The following KMT2E variants were observed in gnomAD, a reference collection of about 807,000 sequenced individuals.
The protein encoded by KMT2E is histone reader KMT2E.
In KMT2E, 30 loss-of-function variants were observed where a neutral mutation model predicts 184.6. The observed-to-expected ratio is 0.16, with a 90% CI of 0.12 to 0.22. The LOEUF is 0.22. KMT2E is among the 10% of genes least tolerant of loss of function. The pLI is 1.00. For missense variants in KMT2E, 2,023 were observed against 2,237.4 expected (o/e 0.90, Z 1.93); for synonymous variants, 815 against 776.5 (o/e 1.05, Z -0.82).
chr7:105,094,400 C>A (rs1028552484), intron 15 of KMT2E, among the ~76,000 whole-genome samples: 2 of 152,116 alleles, frequency 1.3e-5, no homozygotes, highest in African/African-American at 2.4e-5. Flanking sequence ...TATGGAGATA[C>A]AGGTTGAGTA....
intron 6 of KMT2E, among the ~76,000 whole-genome samples, chr7:105,069,170 T>C (rs1165544556): frequency 1.3e-5 from 2 of 152,226 alleles, no homozygotes; most frequent in Non-Finnish European, 2.9e-5. Flanking sequence ...TCCTACTAGA[T>C]TGGTCACTGT....
At chr7:105,099,629 C>T (rs1259556736) in intron 15 of KMT2E, among the ~76,000 whole-genome samples, 1 of 152,052 alleles carries the variant, frequency 6.6e-6, no homozygotes, top group African/African-American at 2.4e-5. Flanking sequence ...TCATATTTAC[C>T]TTACAACACC....
Position 105,090,182 on chromosome 7 carries a change from T to C in KMT2E, c.1532T>C (p.Leu511Ser). 2 of 1,612,456 alleles carry C rather than the reference T, an allele frequency of 1.2e-6. No homozygotes were observed. The highest frequency in any genetic ancestry group is 1.7e-6 in the Non-Finnish European group (2 of 1,179,654). Residue 511 changes from leucine (L) to serine (S), a missense_variant, in exon 14 of 27, where the codon TTG (leucine) becomes TCG (serine). Physicochemically the swap from Leu to Ser is moderately radical, Grantham distance 145. Transcript: ENST00000311117. ...GATACACAAAATCAGAATATTACTT[T>C]GGATTGTGAAGGAACGACCAACAAA... The part of the protein sequence containing the change: ...EKDTQNQNIT[L>S]DCEGTTNKMK...
chr7:105,081,410 GA>G (rs1797759097), intron 12 of KMT2E, among the ~76,000 whole-genome samples: 1 of 148,282 alleles, frequency 6.7e-6, no homozygotes, highest in Non-Finnish European at 1.5e-5. Flanking sequence ...AAGAATTGAT[GA>G]AATATAGTAT....
chr7:105,099,240 A>G (rs1345108494), intron 15 of KMT2E, among the ~76,000 whole-genome samples: 1 of 152,238 alleles, frequency 6.6e-6, no homozygotes, highest in African/African-American at 2.4e-5. Context: ...AGCTGTAGTA[A>G]TGTAGGAAGA....
Position 105,044,805 on chromosome 7 carries a change from A to C in KMT2E, c.71+3782A>C, listed in dbSNP as rs537395184. On this transcript the variant is annotated intron_variant, in intron 3 of 26. Coordinates refer to ENST00000311117, the MANE Select transcript of KMT2E (RefSeq NM_182931.3). ...GATCCACTATCACCGATTCTAGGCC[A>C]GGAGAATGCTACTTTCAGTCTTTGA... 5.1e-4 allele frequency among the ~76,000 whole-genome samples: 77 copies of C among 152,316 alleles called. 1 individual carries two copies. The highest frequency in any genetic ancestry group is 3.5e-3 in the Admixed American group (53 of 15,300).
chr7:105,081,287 G>T (rs951281347), intron 12 of KMT2E, among the ~76,000 whole-genome samples: 1 of 152,044 alleles, frequency 6.6e-6, no homozygotes, highest in Non-Finnish European at 1.5e-5. Flanking sequence ...GGGAGGCTGA[G>T]GCAGGAGAAT....
At chr7:105,064,013 A>G in intron 5 of KMT2E, 1 of 455,096 alleles carries the variant, frequency 2.2e-6, no homozygotes, top group South Asian at 1.6e-5. Flanking sequence ...CCTCCTTTTG[A>G]CTTGAACCTT....
chr7:105,091,183 A>T (rs760873153), intron 14 of KMT2E, 33 bp from the exon 15 acceptor site: 3 of 970,044 alleles, frequency 3.1e-6, no homozygotes, highest in South Asian at 2.7e-5. Flanking sequence ...ATGGAATAAT[A>T]GTTTGTATAA....
Position 105,113,938 on chromosome 7 carries a change from A to T in KMT2E, c.*605A>T, listed in dbSNP as rs1032051275. 2 of 153,630 alleles carry T rather than the reference A, an allele frequency of 1.3e-5. No homozygotes were observed. The highest frequency in any genetic ancestry group is 4.8e-5 in the African/African-American group (2 of 41,496). The allele number at this position is 153,630 out of a possible 1,614,324, so 9.5% of individuals were successfully genotyped here. On this transcript the variant is annotated 3_prime_UTR_variant, in exon 27 of 27. Transcript: ENST00000311117. ...TTTGATATATAGCATTGTACATATGACAAGTCTTTTGCAAAACTGTGTGAT... is the reference window on the plus strand; with the variant it reads ...TTTGATATATAGCATTGTACATATGTCAAGTCTTTTGCAAAACTGTGTGAT...
chr7:105,066,687 TTAAA>T lies in KMT2E; in HGVS notation c.417-36_417-33del, dbSNP rs776284738. ...TATCAAATCTTAATTTAAGGATGAC[TTAAA>T]TAATATTACATATGTTCTGCTTTTT... On this transcript the variant is annotated intron_variant, in intron 5 of 26. Transcript: ENST00000311117. 1.6e-5 allele frequency: 23 copies of T among 1,470,354 alleles called. No individual in the cohort carries two copies. The Admixed American group carries it at 2.7e-4, about 17-fold the overall frequency. The allele number at this position is 1,470,354 out of a possible 1,614,324, so 91.1% of individuals were successfully genotyped here. A position where few individuals can be genotyped will look rare whatever the true frequency, so the allele number is the denominator to read the frequency against.
At chr7:105,056,396 T>C (rs1796571262) in intron 3 of KMT2E, among the ~76,000 whole-genome samples, 1 of 152,206 alleles carries the variant, frequency 6.6e-6, no homozygotes, top group South Asian at 2.1e-4. Context: ...GGTTTAGACA[T>C]TACTTGCTTT....
chr7:105,101,669 A>T, intron 16 of KMT2E, 80 bp downstream of exon 16: 1 of 1,193,132 alleles, frequency 8.4e-7, no homozygotes, highest in Admixed American at 3.3e-5. Flanking sequence ...ACTTATAAGG[A>T]ATTTAAAATA....
rs201094763 is a variant in KMT2E at position 105,112,271 on chromosome 7, C to T, written c.4515C>T (p.Asn1505=). The change falls in exon 27 of 27, where the codon AAC becomes AAT. Residue 1505 remains asparagine (N), a synonymous_variant. Transcript: ENST00000311117. ...PQRNFYPAAQ[N]LPANTQQATS... is the part of the protein sequence containing the mutation. Reference sequence around the variant, plus strand: ...GAAACTTTTATCCAGCAGCACAGAACCTTCCAGCCAATACTCAGCAGGCAA... The same window carrying T: ...GAAACTTTTATCCAGCAGCACAGAATCTTCCAGCCAATACTCAGCAGGCAA... The T allele has an allele frequency of 4.3e-6, 7 of 1,614,008 alleles. No homozygotes were observed. The highest frequency in any genetic ancestry group is 1.7e-5 in the Admixed American group (1 of 59,986).
At chr7:105,103,752 CTGTGTGTG>C (rs563081813) in intron 17 of KMT2E, 5 of 139,566 alleles carry the variant, frequency 3.6e-5, no homozygotes, top group Middle Eastern at 3.4e-3. Context: ...GTGTGTGTTT[CTGTGTGTG>C]TGTGTGTGTG....
intron 3 of KMT2E, among the ~76,000 whole-genome samples, chr7:105,051,879 G>A (rs895474211): frequency 2.2e-4 from 34 of 152,094 alleles, no homozygotes; most frequent in African/African-American, 8.0e-4. Context: ...ATGAACCGCC[G>A]CGCCTGGCCA....
At chr7:105,043,394 G>A (rs1490581819) in intron 3 of KMT2E, among the ~76,000 whole-genome samples, 5 of 150,614 alleles carry the variant, frequency 3.3e-5, no homozygotes, top group African/African-American at 7.3e-5. Flanking sequence ...CCGCCACTAC[G>A]CCCGGCTAAT....
intron 15 of KMT2E, among the ~76,000 whole-genome samples, chr7:105,099,267 C>T (rs1015071030): frequency 5.3e-5 from 8 of 152,092 alleles, no homozygotes; most frequent in African/African-American, 1.9e-4. Flanking sequence ...CTTTATGTAG[C>T]GGCAGTAATT....
At position 105,102,035 on chromosome 7, in the gene KMT2E, ATCT is replaced by A; in HGVS notation, c.2041_2043del (p.Ser681del). The A allele has an allele frequency of 6.2e-7, 1 of 1,614,046 alleles. No homozygotes were observed. The highest frequency in any genetic ancestry group is 1.1e-5 in the South Asian group (1 of 91,078). On this transcript the variant is annotated inframe_deletion, in exon 17 of 27. Coordinates refer to ENST00000311117, the MANE Select transcript of KMT2E (RefSeq NM_182931.3). ...TCAGCATGTGTTCAGATATCCAGCC[ATCT>A]TCTCCTGATATAGAAGTTACTTCAC...
Sources: gnomAD v4.1 joint callset for allele counts (sites outside exome capture counted in the v4.1 genomes callset) on GRCh38, gnomAD v4.1.1 for gene constraint, MANE v1.5 for transcripts, NCBI Gene and HGNC (gene_info 2026-07-23, HGNC 2026-07-21) for gene names.